The following CNTNAP4 variants were observed in gnomAD, a reference collection of about 807,000 sequenced individuals.
CNTNAP4 encodes contactin-associated protein-like 4.
In CNTNAP4, 98 loss-of-function variants were observed where a neutral mutation model predicts 148.4. The ratio of observed to expected loss-of-function variants is 0.66; its 90% CI spans 0.56 to 0.78. The LOEUF (loss-of-function observed/expected upper bound fraction) is 0.78. Among genes scored for constraint, CNTNAP4 ranks in the 30% least tolerant of loss-of-function variants. The pLI is 0.00. For missense variants in CNTNAP4, 1,935 were observed against 1,565.6 expected (o/e 1.24, Z -3.98); for synonymous variants, 730 against 565.1 (o/e 1.29, Z -4.14).
chr16:76,302,920 C>T (rs1426610863), intron 1 of CNTNAP4, among the ~76,000 whole-genome samples: 1 of 152,082 alleles, frequency 6.6e-6, no homozygotes, highest in Non-Finnish European at 1.5e-5. Flanking sequence ...TTTGAGTGTC[C>T]TTGTAATAGT....
At chr16:76,528,840 A>G (rs2083852529) in intron 17 of CNTNAP4, among the ~76,000 whole-genome samples, 1 of 152,212 alleles carries the variant, frequency 6.6e-6, no homozygotes, top group Non-Finnish European at 1.5e-5. Flanking sequence ...GAAATGATAA[A>G]TGGAGTTTCA....
chr16:76,473,263 A>G (rs1680773000), intron 10 of CNTNAP4, among the ~76,000 whole-genome samples: 1 of 152,132 alleles, frequency 6.6e-6, no homozygotes. Flanking sequence ...GTAAAGTAGC[A>G]TTTCTTTATG....
intron 3 of CNTNAP4, among the ~76,000 whole-genome samples, chr16:76,401,170 G>A (rs774120740): frequency 6.6e-6 from 1 of 152,098 alleles, no homozygotes; most frequent in Non-Finnish European, 1.5e-5. Flanking sequence ...CTATCTATGA[G>A]CATGGAATGT....
intron 4 of CNTNAP4, among the ~76,000 whole-genome samples, chr16:76,440,460 C>T (rs2079989865): frequency 6.6e-6 from 1 of 152,130 alleles, no homozygotes; most frequent in Admixed American, 6.6e-5. Context: ...CAAATCTCTA[C>T]CACCTCCACA....
intron 11 of CNTNAP4, 134 bp from the exon 12 acceptor site, chr16:76,479,285 A>G: frequency 3.5e-6 from 2 of 573,908 alleles, no homozygotes; most frequent in South Asian, 6.6e-5. Context: ...TTTTGTTTTA[A>G]AGTAAGTTTT....
chr16:76,416,637 A>G (rs940011810), intron 3 of CNTNAP4, among the ~76,000 whole-genome samples: 10 of 151,474 alleles, frequency 6.6e-5, no homozygotes, highest in African/African-American at 1.9e-4. Flanking sequence ...TAAATTTGCA[A>G]GAGTGTGTTT....
At chr16:76,510,166 C>G (rs2082955361) in intron 15 of CNTNAP4, among the ~76,000 whole-genome samples, 1 of 150,692 alleles carries the variant, frequency 6.6e-6, no homozygotes, top group African/African-American at 2.4e-5. Context: ...CCCATCCCAG[C>G]CCTAAGCAAC....
At chr16:76,557,926 T>A (rs1296719881) in intron 23 of CNTNAP4, 1 of 152,236 alleles carries the variant, frequency 6.6e-6, no homozygotes, top group African/African-American at 2.4e-5. Context: ...ATCGCAGTAC[T>A]TAGAATTTGT....
chr16:76,553,702 C>A, intron 22 of CNTNAP4, 134 bp from the exon 23 acceptor site: 1 of 662,314 alleles, frequency 1.5e-6, no homozygotes, highest in South Asian at 2.0e-5. Flanking sequence ...ATTGACATTG[C>A]TTAAATTGAA....
At chr16:76,374,200 G>A (rs1033409776) in intron 3 of CNTNAP4, among the ~76,000 whole-genome samples, 5 of 152,184 alleles carry the variant, frequency 3.3e-5, no homozygotes, top group African/African-American at 9.7e-5. Context: ...TGCTGGAGCA[G>A]TGAAAAGACA....
chr16:76,511,838 G>GGGGA (rs1555583928), intron 15 of CNTNAP4, among the ~76,000 whole-genome samples: 2 of 148,162 alleles, frequency 1.3e-5, no homozygotes, highest in African/African-American at 5.0e-5. Context: ...ATATTTTCTT[G>GGGGA]GAGAGAGAGA....
chr16:76,488,057 C>G (rs1376363040), intron 12 of CNTNAP4, among the ~76,000 whole-genome samples: 4 of 152,130 alleles, frequency 2.6e-5, no homozygotes, highest in Non-Finnish European at 5.9e-5. Flanking sequence ...ACAAAAGAAA[C>G]AGAGTCCAAC....
intron 10 of CNTNAP4, among the ~76,000 whole-genome samples, chr16:76,468,318 AC>A (rs1319578263): frequency 1.3e-5 from 2 of 151,990 alleles, no homozygotes; most frequent in African/African-American, 4.8e-5. Context: ...TACTAAAAAT[AC>A]AAAAATTAGC....
At chr16:76,354,128 T>G (rs1489151891) in intron 2 of CNTNAP4, among the ~76,000 whole-genome samples, 1 of 152,220 alleles carries the variant, frequency 6.6e-6, no homozygotes, top group East Asian at 1.9e-4. Context: ...GCTATATAAT[T>G]GATGTGGCAT....
At chr16:76,339,368 A>G (rs1327763788) in intron 2 of CNTNAP4, among the ~76,000 whole-genome samples, 1 of 152,154 alleles carries the variant, frequency 6.6e-6, no homozygotes, top group Non-Finnish European at 1.5e-5. Flanking sequence ...CATAGTGTTT[A>G]GATTGTTGAA....
chr16:76,485,010 T>C (rs191589406), intron 12 of CNTNAP4, among the ~76,000 whole-genome samples: 2 of 152,368 alleles, frequency 1.3e-5, no homozygotes. Flanking sequence ...TTAAACGATG[T>C]TAAAAGCTGA....
Position 76,427,595 on chromosome 16 carries a change from A to T in CNTNAP4, c.534A>T (p.Ala178=). 1 of 1,606,616 alleles carries T rather than the reference A, an allele frequency of 6.2e-7. No individual in the cohort carries two copies. The highest frequency in any genetic ancestry group is 8.5e-7 in the Non-Finnish European group (1 of 1,176,890). ...IGMRIEVFGC[A]YRSEVVDLDG... ...TGCGAATCGAAGTGTTCGGATGTGCATACAGTAAGTGTTTGTTTATCCAAT... is the reference window on the plus strand; with the variant it reads ...TGCGAATCGAAGTGTTCGGATGTGCTTACAGTAAGTGTTTGTTTATCCAAT... Residue 178 remains alanine, a synonymous_variant, in exon 4 of 24, where the codon GCA becomes GCT. Transcript: ENST00000611870.
chr16:76,449,354 T>G (rs2080368636), intron 6 of CNTNAP4, among the ~76,000 whole-genome samples: 1 of 152,188 alleles, frequency 6.6e-6, no homozygotes, highest in Admixed American at 6.5e-5. Flanking sequence ...AATTAATTCA[T>G]TAGCAATGGA....
intron 21 of CNTNAP4, among the ~76,000 whole-genome samples, chr16:76,548,819 G>T (rs1282435008): frequency 6.6e-6 from 1 of 152,034 alleles, no homozygotes; most frequent in Non-Finnish European, 1.5e-5. Flanking sequence ...TGGCTTTTGG[G>T]GAGTCAGATA....
Sources: allele counts gnomAD v4.1 joint callset (sites outside exome capture counted in the v4.1 genomes callset), GRCh38; gene constraint gnomAD v4.1.1; transcripts MANE v1.5; gene names NCBI Gene and HGNC (gene_info 2026-07-23, HGNC 2026-07-21).